Variants in GBE1 observed in about 807,000 individuals in gnomAD.
GBE1 encodes the protein 1,4-alpha-glucan branching enzyme 1.
A neutral mutation model predicts 88.8 loss-of-function variants in GBE1; 70 were observed. The ratio of observed to expected loss-of-function variants is 0.79; its 90% CI spans 0.65 to 0.96. The LOEUF (loss-of-function observed/expected upper bound fraction) is 0.96, where lower values mean the gene tolerates loss of function less well. Ranked by LOEUF, GBE1 falls within the 40% of genes least tolerant of loss-of-function variation. The pLI is 0.00. For synonymous variants in GBE1, 284 were observed against 300.1 expected (o/e 0.95, Z 0.56); for missense variants, 872 against 871.0 (o/e 1.00, Z -0.01).
At chr3:81,546,090 T>C (rs1422477490) in intron 12 of GBE1, among the ~76,000 whole-genome samples, 1 of 152,040 alleles carries the variant, frequency 6.6e-6, no homozygotes, top group East Asian at 1.9e-4. Context: ...TTTATTATAG[T>C]TATATATGTA....
chr3:81,578,316 G>A (rs572052389), intron 11 of GBE1, among the ~76,000 whole-genome samples: 23 of 152,014 alleles, frequency 1.5e-4, no homozygotes, highest in Non-Finnish European at 2.6e-4. Context: ...GGACTGGACT[G>A]ATTTTTATTT....
chr3:81,586,644 G>A (rs1703806227), intron 9 of GBE1, among the ~76,000 whole-genome samples: 1 of 152,170 alleles, frequency 6.6e-6, no homozygotes. Flanking sequence ...TGTAGAGTTA[G>A]TACATTAACA....
At chr3:81,680,753 G>C (rs1406218951) in intron 2 of GBE1, among the ~76,000 whole-genome samples, 1 of 152,120 alleles carries the variant, frequency 6.6e-6, no homozygotes. Flanking sequence ...ATGAAGGAAA[G>C]CCCTCATGAA....
intron 1 of GBE1, among the ~76,000 whole-genome samples, chr3:81,745,268 C>CA (rs1385957913): frequency 6.6e-6 from 1 of 152,052 alleles, no homozygotes; most frequent in Admixed American, 6.6e-5. Context: ...CTGTGACCAC[C>CA]AAAAAATTAA....
At position 81,713,992 on chromosome 3, in the gene GBE1, A is replaced by G. The variant is rs147246242; in HGVS notation, c.144-8379T>C. ...AACTTGAAGATATTCTCTGTTATGT[A>G]TGGGAGACCGTAGAAGAGAAAGCAA... On this transcript the variant is annotated intron_variant, in intron 1 of 15. Transcript: ENST00000429644. Among the ~76,000 whole-genome samples the G allele has an allele frequency of 3.5e-3, 533 of 152,314 alleles. 1 individual carries two copies. The highest frequency in any genetic ancestry group is 0.01 in the Middle Eastern group (3 of 292).
intron 12 of GBE1, among the ~76,000 whole-genome samples, chr3:81,555,571 C>T (rs1416859700): frequency 1.2e-4 from 18 of 152,168 alleles, no homozygotes; most frequent in Admixed American, 1.1e-3. Flanking sequence ...CTATTCACAC[C>T]TGGCTGAGTA....
chr3:81,720,348 A>ATGTGTG (rs773210727), intron 1 of GBE1, among the ~76,000 whole-genome samples: 1 of 142,796 alleles, frequency 7.0e-6, no homozygotes, highest in Non-Finnish European at 1.5e-5. Context: ...GTGTATGTGT[A>ATGTGTG]TGTGTGTGTG....
intron 5 of GBE1, among the ~76,000 whole-genome samples, chr3:81,648,205 T>C (rs1704794214): frequency 6.6e-6 from 1 of 152,138 alleles, no homozygotes; most frequent in Non-Finnish European, 1.5e-5. Context: ...TCCTCCTGCC[T>C]AGTCATTGAA....
At chr3:81,636,569 T>C (rs1233035780) in intron 7 of GBE1, among the ~76,000 whole-genome samples, 3 of 151,760 alleles carry the variant, frequency 2.0e-5, no homozygotes, top group Non-Finnish European at 4.4e-5. Context: ...TTGCTCTTGT[T>C]GTCCAGGCTG....
intron 14 of GBE1, among the ~76,000 whole-genome samples, chr3:81,528,197 T>A (rs1048244688): frequency 8.2e-6 from 1 of 121,312 alleles, no homozygotes; most frequent in Admixed American, 1.1e-4. Flanking sequence ...AAGGGGAACA[T>A]CACACAGTGG....
chr3:81,753,589 C>A (rs1260780320), intron 1 of GBE1, among the ~76,000 whole-genome samples: 1 of 152,170 alleles, frequency 6.6e-6, no homozygotes, highest in East Asian at 1.9e-4. Context: ...ACAACACACA[C>A]AGTCATTTCT....
chr3:81,600,423 A>C (rs1369603274), intron 7 of GBE1, among the ~76,000 whole-genome samples: 1 of 152,144 alleles, frequency 6.6e-6, no homozygotes, highest in African/African-American at 2.4e-5. Flanking sequence ...GTTTTATTTT[A>C]AATGATGACT....
intron 3 of GBE1, among the ~76,000 whole-genome samples, chr3:81,669,718 C>T (rs1705162921): frequency 6.6e-6 from 1 of 151,816 alleles, no homozygotes; most frequent in South Asian, 2.1e-4. Context: ...ATTTTAATTC[C>T]TCTTATTGTA....
At chr3:81,701,731 C>A (rs1040713886) in intron 2 of GBE1, among the ~76,000 whole-genome samples, 1 of 151,708 alleles carries the variant, frequency 6.6e-6, no homozygotes. Context: ...TTTTACACAC[C>A]AATTCATGAT....
chr3:81,566,017 A>T (rs1169907345), intron 12 of GBE1, among the ~76,000 whole-genome samples: 2 of 152,212 alleles, frequency 1.3e-5, no homozygotes, highest in Non-Finnish European at 1.5e-5. Context: ...ACCCAGCAGC[A>T]GCCCCATTCG....
intron 12 of GBE1, among the ~76,000 whole-genome samples, chr3:81,569,390 C>A (rs1359282236): frequency 6.6e-6 from 1 of 152,064 alleles, no homozygotes; most frequent in Non-Finnish European, 1.5e-5. Context: ...ATGTAAAGGC[C>A]AACTAATATT....
At chr3:81,619,906 CTT>C (rs1284034030) in intron 7 of GBE1, among the ~76,000 whole-genome samples, 1 of 151,666 alleles carries the variant, frequency 6.6e-6, no homozygotes, top group African/African-American at 2.4e-5. Flanking sequence ...TTGTAGATCT[CTT>C]AGAGTAAAAC....
intron 10 of GBE1, among the ~76,000 whole-genome samples, chr3:81,584,320 C>T (rs900900425): frequency 3.9e-5 from 6 of 152,002 alleles, no homozygotes; most frequent in African/African-American, 4.8e-5. Context: ...TATGGGTAGA[C>T]AACATCACAG....
At chr3:81,526,903 C>T (rs534470788) in intron 14 of GBE1, among the ~76,000 whole-genome samples, 1 of 152,080 alleles carries the variant, frequency 6.6e-6, no homozygotes, top group Non-Finnish European at 1.5e-5. Context: ...AAAGAGCCCG[C>T]ATTGCCAAGT....
Sources: gnomAD v4.1 joint callset for allele counts (sites outside exome capture counted in the v4.1 genomes callset) on GRCh38, gnomAD v4.1.1 for gene constraint, MANE v1.5 for transcripts, NCBI Gene and HGNC (gene_info 2026-07-23, HGNC 2026-07-21) for gene names.